IGSF11: variants seen among roughly 807,000 people sequenced by gnomAD.
The protein encoded by IGSF11 is CXADR like 1.
IGSF11 carries 22 observed loss-of-function variants against 41.0 expected under a neutral mutation model. That is an observed-to-expected ratio of 0.54 (90% CI 0.38 to 0.77). The LOEUF is 0.77. Ranked by LOEUF, IGSF11 falls within the 30% of genes least tolerant of loss-of-function variation. The probability of loss-of-function intolerance (pLI) is 0.00; values close to 1 mark genes in which losing one functional copy is unlikely to be tolerated. For synonymous variants in IGSF11, 219 were observed against 201.3 expected (o/e 1.09, Z -0.74); for missense variants, 444 against 530.8 (o/e 0.84, Z 1.61).
intron 1 of IGSF11, among the ~76,000 whole-genome samples, chr3:119,023,163 G>A (rs1438120447): frequency 2.0e-5 from 3 of 149,392 alleles, no homozygotes; most frequent in Admixed American, 6.7e-5. Flanking sequence ...TCGGAAGGCT[G>A]AGGCAAGGAG....
intron 1 of IGSF11, among the ~76,000 whole-genome samples, chr3:119,016,283 G>T (rs560444645): frequency 6.6e-6 from 1 of 152,190 alleles, no homozygotes; most frequent in Admixed American, 6.5e-5. Context: ...GTGGCATATG[G>T]CATGTGTTCA....
At chr3:119,032,003 C>G (rs1434196597) in intron 1 of IGSF11, among the ~76,000 whole-genome samples, 2 of 152,160 alleles carry the variant, frequency 1.3e-5, no homozygotes, top group Non-Finnish European at 2.9e-5. Flanking sequence ...ATTAGAAGAA[C>G]TATATAGAAG....
intron 1 of IGSF11, among the ~76,000 whole-genome samples, chr3:118,956,767 G>C (rs189516862): frequency 5.9e-5 from 9 of 152,242 alleles, no homozygotes; most frequent in Admixed American, 1.3e-4. Flanking sequence ...GAGAAAGTTT[G>C]AGATATTGTG....
At chr3:118,940,775 A>ATTC (rs1356449813) in intron 1 of IGSF11, among the ~76,000 whole-genome samples, 1 of 152,018 alleles carries the variant, frequency 6.6e-6, no homozygotes, top group African/African-American at 2.4e-5. Context: ...GAATAAGGAC[A>ATTC]TATAGAGAGT....
upstream of IGSF11, among the ~76,000 whole-genome samples, chr3:119,106,597 A>G (rs1280626698): frequency 4.0e-5 from 6 of 151,728 alleles, no homozygotes; most frequent in East Asian, 9.7e-4. Flanking sequence ...TTTTTTTATT[A>G]TTATTACACT....
At chr3:118,990,675 A>G (rs1377045928) in intron 1 of IGSF11, among the ~76,000 whole-genome samples, 2 of 152,232 alleles carry the variant, frequency 1.3e-5, no homozygotes, top group Middle Eastern at 3.2e-3. Context: ...TGTAGACACT[A>G]TGGAAAATCC....
At chr3:119,126,702 A>G (rs2077408883) in intron 1 of IGSF11, among the ~76,000 whole-genome samples, 1 of 152,160 alleles carries the variant, frequency 6.6e-6, no homozygotes, top group Non-Finnish European at 1.5e-5. Context: ...GACTCCTTGA[A>G]TGACATCTCC....
At chr3:118,942,965 T>C (rs1343144928) in intron 1 of IGSF11, 1 of 152,250 alleles carries the variant, frequency 6.6e-6, no homozygotes, top group Non-Finnish European at 1.5e-5. Context: ...CAAGAGGAGA[T>C]GCATGCTCTC....
At chr3:118,984,328 A>G (rs1026009291) in intron 1 of IGSF11, among the ~76,000 whole-genome samples, 2 of 152,204 alleles carry the variant, frequency 1.3e-5, no homozygotes, top group African/African-American at 2.4e-5. Context: ...TCTCCATGTT[A>G]TGTAAGGAAG....
At chr3:119,130,319 T>G (rs781727514) in intron 1 of IGSF11, among the ~76,000 whole-genome samples, 4 of 152,196 alleles carry the variant, frequency 2.6e-5, no homozygotes, top group Admixed American at 1.3e-4. Flanking sequence ...GAATCCATGA[T>G]AGACTGTACC....
rs148663341 is a variant in IGSF11, at chr3:119,026,939, C to T, written c.52+7592G>A. 4.8e-3 allele frequency among the ~76,000 whole-genome samples: 725 copies of T among 152,116 alleles called. 15 individuals are homozygous for T. Among genetic ancestry groups the T allele is most frequent in the African/African-American group, 0.017 (695 of 41,512 alleles). On this transcript the variant is annotated intron_variant, in intron 1 of 6. Coordinates refer to ENST00000393775, the MANE Select transcript of IGSF11 (RefSeq NM_001015887.3). ...AAGTGAAATAACTGACAGTCATTTGCGGCCAATGATAAAATTCAAGCAATA... is the reference window on the plus strand; with the variant it reads ...AAGTGAAATAACTGACAGTCATTTGTGGCCAATGATAAAATTCAAGCAATA...
At chr3:118,905,814 G>A in intron 4 of IGSF11, 96 bp from the exon 5 acceptor site, 2 of 1,370,778 alleles carry the variant, frequency 1.5e-6, no homozygotes, top group East Asian at 2.4e-5. Flanking sequence ...GAACACTGGA[G>A]AGCTATCAAT....
intron 1 of IGSF11, among the ~76,000 whole-genome samples, chr3:118,987,130 G>C (rs1935333650): frequency 6.6e-6 from 1 of 152,208 alleles, no homozygotes; most frequent in Non-Finnish European, 1.5e-5. Context: ...ACAACTGGAA[G>C]TACTAACCTT....
At chr3:119,145,923 G>T (rs1243104524) in exon 1 of IGSF11, 7 of 416,728 alleles carry the variant, frequency 1.7e-5, no homozygotes, top group Non-Finnish European at 3.0e-5. Context: ...GCTCGGCAGG[G>T]TGAGGAGAAG....
intron 1 of IGSF11, among the ~76,000 whole-genome samples, chr3:118,975,549 A>C (rs1263871646): frequency 6.6e-6 from 1 of 152,164 alleles, no homozygotes; most frequent in East Asian, 1.9e-4. Context: ...GCTTTTCACA[A>C]AAGATGAAGC....
chr3:119,048,896 C>A (rs951911206), intron 1 of IGSF11, among the ~76,000 whole-genome samples: 108 of 152,262 alleles, frequency 7.1e-4, no homozygotes, highest in Middle Eastern at 6.8e-3. Flanking sequence ...AAGACAAAAA[C>A]CACATGATTA....
chr3:118,907,887 C>A (rs1939803438), intron 4 of IGSF11, among the ~76,000 whole-genome samples: 1 of 152,180 alleles, frequency 6.6e-6, no homozygotes, highest in Non-Finnish European at 1.5e-5. Flanking sequence ...TAGAATATTT[C>A]CTGACCAATA....
intron 1 of IGSF11, 38 bp from the exon 2 acceptor site, chr3:118,930,313 T>C (rs1236007508): frequency 1.3e-6 from 2 of 1,575,136 alleles, no homozygotes; most frequent in Non-Finnish European, 1.7e-6. Flanking sequence ...ATGCTCGCCC[T>C]TTCCCAACAG....
chr3:118,924,779 T>C (rs973809338), intron 4 of IGSF11, among the ~76,000 whole-genome samples: 2 of 152,046 alleles, frequency 1.3e-5, no homozygotes, highest in African/African-American at 4.8e-5. Context: ...CACAGAGATA[T>C]TATAAATAAA....
Sources: allele counts gnomAD v4.1 joint callset (sites outside exome capture counted in the v4.1 genomes callset), GRCh38; gene constraint gnomAD v4.1.1; transcripts MANE v1.5; gene names NCBI Gene and HGNC (gene_info 2026-07-23, HGNC 2026-07-21).